The following MEGF10 variants were observed in gnomAD, a reference collection of about 807,000 sequenced individuals.
MEGF10 encodes the protein multiple EGF like domains 10, also known as multiple epidermal growth factor-like domains protein 10.
A neutral mutation model predicts 147.5 loss-of-function variants in MEGF10; 86 were observed. The ratio of observed to expected loss-of-function variants is 0.58; its 90% CI spans 0.49 to 0.70. The LOEUF is 0.70. Among genes scored for constraint, MEGF10 ranks in the 30% least tolerant of loss-of-function variants. The probability of loss-of-function intolerance (pLI) is 0.00; values close to 1 mark genes in which losing one functional copy is unlikely to be tolerated. For synonymous variants in MEGF10, 478 were observed against 525.5 expected (o/e 0.91, Z 1.24); for missense variants, 1,329 against 1,487.3 (o/e 0.89, Z 1.75).
At chr5:127,446,357 T>G (rs900183152) in intron 20 of MEGF10, among the ~76,000 whole-genome samples, 2 of 152,266 alleles carry the variant, frequency 1.3e-5, no homozygotes, top group Non-Finnish European at 2.9e-5. Flanking sequence ...TCTGGTTGGT[T>G]ACATGTTTAA....
At chr5:127,230,877 T>TGCTAGAAAAGTGCCTGGG in the MEGF10 span, among the ~76,000 whole-genome samples, 5,789 of 152,288 alleles carry the variant, frequency 0.038, 193 homozygotes, top group Middle Eastern at 0.1. Flanking sequence ...GGTATTTTAG[T>TGCTAGAAAAGTGCCTGGG]GCCACTTATT....
the MEGF10 span, among the ~76,000 whole-genome samples, chr5:127,275,782 T>C: frequency 1.3e-5 from 2 of 152,192 alleles, no homozygotes; most frequent in Non-Finnish European, 2.9e-5. Context: ...CATATTTGAA[T>C]GTTTATTTAA....
rs1766537533 is a variant in MEGF10, at chr5:127,460,929, GC to G, written c.*3614del. 1 of 152,128 alleles carries G rather than the reference GC, an allele frequency of 6.6e-6. No homozygotes were observed. The highest frequency in any genetic ancestry group is 1.5e-5 in the Non-Finnish European group (1 of 68,012). 9.4% of individuals were successfully genotyped at this position (152,128 alleles called of 1,614,324 possible). On this transcript the variant is annotated 3_prime_UTR_variant, in exon 25 of 25. Coordinates refer to ENST00000503335, the MANE Select transcript of MEGF10 (RefSeq NM_001256545.2). The stretch of plus-strand genomic sequence containing the variant: ...ATTAACTAAAGATGTACAGCAAACT[GC>G]CCGTTTAGAGTCCTGTTAATATTGA...
chr5:127,241,005 CTTG>C, the MEGF10 span, among the ~76,000 whole-genome samples: 1 of 152,080 alleles, frequency 6.6e-6, no homozygotes, highest in Non-Finnish European at 1.5e-5. Context: ...TTTATCTCTC[CTTG>C]TTTTTATATA....
chr5:127,309,222 A>G (rs139451359), intron 1 of MEGF10, among the ~76,000 whole-genome samples: 53 of 152,388 alleles, frequency 3.5e-4, no homozygotes, highest in African/African-American at 1.1e-3. Flanking sequence ...CCTTTTGGGC[A>G]GACATCTGTT....
intron 13 of MEGF10, among the ~76,000 whole-genome samples, chr5:127,428,347 T>C (rs1033727548): frequency 6.6e-6 from 1 of 152,128 alleles, no homozygotes; most frequent in Admixed American, 6.5e-5. Context: ...GCAACCATAA[T>C]GCTTGGGTGC....
intron 5 of MEGF10, among the ~76,000 whole-genome samples, chr5:127,370,542 A>G (rs1365548863): frequency 6.6e-6 from 1 of 152,218 alleles, no homozygotes. Context: ...AAGAAAATTC[A>G]TGAAAATTTT....
the MEGF10 span, among the ~76,000 whole-genome samples, chr5:127,231,265 G>A: frequency 6.6e-5 from 10 of 152,218 alleles, no homozygotes; most frequent in South Asian, 1.7e-3. Flanking sequence ...GATTAAAATC[G>A]AAACTCCTCA....
chr5:127,426,755 C>A (rs1034740186), intron 13 of MEGF10, among the ~76,000 whole-genome samples: 3 of 152,212 alleles, frequency 2.0e-5, no homozygotes, highest in Admixed American at 2.0e-4. Context: ...CAGAAACAGG[C>A]TGAAGTTTAT....
chr5:127,454,335 A>G (rs1766272205), intron 22 of MEGF10, among the ~76,000 whole-genome samples: 1 of 152,118 alleles, frequency 6.6e-6, no homozygotes, highest in Non-Finnish European at 1.5e-5. Context: ...TCCTGTTTTG[A>G]CTAGCTTTTC....
chr5:127,263,311 G>T, the MEGF10 span, among the ~76,000 whole-genome samples: 2 of 149,000 alleles, frequency 1.3e-5, no homozygotes, highest in African/African-American at 5.0e-5. Flanking sequence ...GATTCTCGGG[G>T]GGGGGGTAAA....
At chr5:127,422,126 C>T (rs556643736) in intron 12 of MEGF10, among the ~76,000 whole-genome samples, 27 of 152,048 alleles carry the variant, frequency 1.8e-4, no homozygotes, top group East Asian at 5.8e-4. Context: ...ATGTCCCAAC[C>T]GTTGTGTCAG....
At chr5:127,248,945 A>C in the MEGF10 span, among the ~76,000 whole-genome samples, 1 of 151,982 alleles carries the variant, frequency 6.6e-6, no homozygotes, top group Non-Finnish European at 1.5e-5. Context: ...CTATTTGTCC[A>C]CAATAGCCAT....
At position 127,339,112 on chromosome 5, in the gene MEGF10, C is replaced by G. The variant is rs1232111242; in HGVS notation, c.117-8C>G. 6.4e-7 allele frequency: 1 copy of G among 1,555,330 alleles called. No homozygotes were observed. Among genetic ancestry groups the G allele is most frequent in the Non-Finnish European group, 8.8e-7 (1 of 1,137,592 alleles). ...ATACTGATTTCTTATTTTTCCATTT[C>G]TTTTCAGCTACTCAGTGACTGTGCA... is the stretch of plus-strand genomic sequence containing the variant. On this transcript the variant is annotated splice_region_variant and splice_polypyrimidine_tract_variant and intron_variant, in intron 2 of 24. Transcript: ENST00000503335.
At chr5:127,312,689 C>G (rs2126742635) in intron 1 of MEGF10, among the ~76,000 whole-genome samples, 1 of 152,254 alleles carries the variant, frequency 6.6e-6, no homozygotes, top group East Asian at 1.9e-4. Flanking sequence ...ATGCAGAATC[C>G]TGGGGTACAA....
intron 4 of MEGF10, among the ~76,000 whole-genome samples, chr5:127,351,182 A>G (rs1470594791): frequency 6.6e-6 from 1 of 152,208 alleles, no homozygotes; most frequent in Non-Finnish European, 1.5e-5. Flanking sequence ...TTAATTACCT[A>G]AAATTATTTT....
At chr5:127,392,866 C>G (rs1363731885) in intron 5 of MEGF10, among the ~76,000 whole-genome samples, 1 of 152,154 alleles carries the variant, frequency 6.6e-6, no homozygotes, top group Non-Finnish European at 1.5e-5. Context: ...CTTATTAGAG[C>G]AAGCTGTCTG....
chr5:127,320,694 T>C (rs1165296832), intron 1 of MEGF10, among the ~76,000 whole-genome samples: 2 of 152,244 alleles, frequency 1.3e-5, no homozygotes, highest in Non-Finnish European at 2.9e-5. Context: ...TACCTACTTA[T>C]ACTTCCTCAG....
chr5:127,415,674 C>T (rs969804029), intron 9 of MEGF10, among the ~76,000 whole-genome samples: 5 of 151,958 alleles, frequency 3.3e-5, no homozygotes, highest in South Asian at 2.1e-4. Context: ...GAGGCTGAGA[C>T]GGGCAGATCA....
Sources: gnomAD v4.1 joint callset for allele counts (sites outside exome capture counted in the v4.1 genomes callset) on GRCh38, gnomAD v4.1.1 for gene constraint, MANE v1.5 for transcripts, NCBI Gene and HGNC (gene_info 2026-07-23, HGNC 2026-07-21) for gene names.